Variants in SYNE1 observed in about 807,000 individuals in gnomAD.
SYNE1 encodes the protein nesprin-1.
SYNE1 carries 616 observed loss-of-function variants against 1,111.0 expected under a neutral mutation model. That is an observed-to-expected ratio of 0.55 (90% confidence interval 0.52 to 0.59). The LOEUF is 0.59. SYNE1 is among the 20% of genes least tolerant of loss of function. The pLI, the probability that SYNE1 is intolerant of heterozygous loss-of-function variation, is 0.00. For missense variants in SYNE1, 10,006 were observed against 10,417.0 expected, an observed-to-expected ratio of 0.96 and a Z score of 1.72; for synonymous variants, 3,855 against 3,825.8, an observed-to-expected ratio of 1.01 and a Z score of -0.28.
intron 137 of SYNE1, chr6:152,145,262 C>A (rs1372209393): frequency 6.8e-6 from 4 of 587,136 alleles, no homozygotes; most frequent in Middle Eastern, 9.2e-4. Context: ...TGAGACCAAT[C>A]ACCATTTAAC....
Position 152,624,742 on chromosome 6 carries a change from T to C in SYNE1, c.67+3523A>G, listed in dbSNP as rs143245351. ...TTCAGTATCCCAGCCTAAAACATTA[T>C]GCTCAAACAAGCACAAATATTGGCA... is the stretch of plus-strand genomic sequence containing the variant. On this transcript the variant is annotated intron_variant, in intron 3 of 145. Transcript: ENST00000367255. Among the ~76,000 whole-genome samples, 592 of 152,322 alleles carry C rather than the reference T, an allele frequency of 3.9e-3. 2 individuals carry two copies. The highest frequency in any genetic ancestry group is 0.013 in the African/African-American group (557 of 41,576).
chr6:152,148,482 CAAAT>C lies in SYNE1; in HGVS notation c.24643-108_24643-105del. On this transcript the variant is annotated intron_variant, in intron 136 of 145. Transcript: ENST00000367255. This position sits in a 1 kb window ranked among gnomAD's most constrained non-coding sequence, Gnocchi z 4.1. ...GGGACAATTTTTAACTTCTTATGAG[CAAAT>C]AAATAAGAATCTTCTGATCACAGAA... is the stretch of plus-strand genomic sequence containing the variant. 1 of 961,310 alleles carries C rather than the reference CAAAT, an allele frequency of 1.0e-6. No homozygotes were observed. Among genetic ancestry groups the C allele is most frequent in the Admixed American group, 2.0e-5 (1 of 49,452 alleles). The allele number at this position is 961,310 out of a possible 1,614,324, so 59.5% of individuals were successfully genotyped here.
intron 130 of SYNE1, among the ~76,000 whole-genome samples, chr6:152,169,355 G>T (rs1163961707): frequency 6.6e-6 from 1 of 151,840 alleles, no homozygotes; most frequent in African/African-American, 2.4e-5. Flanking sequence ...AAGGTCAGGA[G>T]ATCAAGACCA....
chr6:152,251,713 C>G (rs1449596123), intron 104 of SYNE1, among the ~76,000 whole-genome samples: 1 of 152,004 alleles, frequency 6.6e-6, no homozygotes. Flanking sequence ...GAGCCGAGAT[C>G]CCGCCACTGC....
intron 101 of SYNE1, among the ~76,000 whole-genome samples, chr6:152,257,863 T>A (rs1181860929): frequency 6.6e-6 from 1 of 152,006 alleles, no homozygotes. Context: ...TGCCAAAAAA[T>A]TCCCTAAAAT....
intron 3 of SYNE1, among the ~76,000 whole-genome samples, chr6:152,592,785 A>T (rs2099570726): frequency 6.6e-6 from 1 of 152,194 alleles, no homozygotes; most frequent in Non-Finnish European, 1.5e-5. Flanking sequence ...GAGGGCAGAG[A>T]ATTTATTAGT....
chr6:152,256,324 G>A (rs1355285670), intron 102 of SYNE1, among the ~76,000 whole-genome samples: 1 of 151,880 alleles, frequency 6.6e-6, no homozygotes, highest in Non-Finnish European at 1.5e-5. Flanking sequence ...CAGCTATTCG[G>A]GAGGGTGAGA....
chr6:152,576,335 A>G (rs145095621), intron 3 of SYNE1, among the ~76,000 whole-genome samples: 59 of 152,334 alleles, frequency 3.9e-4, no homozygotes, highest in African/African-American at 1.4e-3. Context: ...TTTGAGTCCT[A>G]CTATGCAGTT....
chr6:152,437,532 T>C (rs1013475660), intron 32 of SYNE1, among the ~76,000 whole-genome samples: 1 of 152,164 alleles, frequency 6.6e-6, no homozygotes. Flanking sequence ...AATATACTTA[T>C]TTTAAATATT....
intron 66 of SYNE1, 138 bp downstream of exon 66, chr6:152,358,235 C>G (rs1209085543): frequency 1.7e-6 from 2 of 1,210,922 alleles, no homozygotes; most frequent in Non-Finnish European, 2.4e-6. Context: ...TGTTCTTGAT[C>G]AAACCTTATG....
At chr6:152,263,790 T>C (rs964028148) in intron 100 of SYNE1, among the ~76,000 whole-genome samples, 1 of 151,874 alleles carries the variant, frequency 6.6e-6, no homozygotes, top group African/African-American at 2.4e-5. Context: ...CACTTCTCTG[T>C]GCCTCAATCT....
chr6:152,353,277 A>G lies in SYNE1; in HGVS notation c.11239T>C (p.Leu3747=), dbSNP rs747018872. The G allele has an allele frequency of 2.5e-6, 4 of 1,614,038 alleles. No homozygotes were observed. Among genetic ancestry groups the G allele is most frequent in the East Asian group, 4.5e-5 (2 of 44,884 alleles). ...KVDTVMMGKK[L]KTLEVLLKDM... ...TGCGTGCCTACCTCCAACGTCTTCA[A>G]TTTCTTCCCCATCATTACTGTATCT... Residue 3747 remains leucine (L), a synonymous_variant, in exon 69 of 146, where the codon TTG becomes CTG. Coordinates refer to ENST00000367255, the MANE Select transcript of SYNE1 (RefSeq NM_182961.4).
chr6:152,594,373 T>A (rs1019168542), intron 3 of SYNE1, among the ~76,000 whole-genome samples: 3 of 152,106 alleles, frequency 2.0e-5, no homozygotes, highest in African/African-American at 7.2e-5. Flanking sequence ...GACACATGAA[T>A]GAAGTTACAA....
chr6:152,308,241 T>C (rs1300161771), intron 91 of SYNE1, among the ~76,000 whole-genome samples: 1 of 152,082 alleles, frequency 6.6e-6, no homozygotes, highest in East Asian at 1.9e-4. Flanking sequence ...GAGATGATAA[T>C]CAGTGGGTCC....
At chr6:152,553,375 G>A (rs947587900) in intron 3 of SYNE1, among the ~76,000 whole-genome samples, 1 of 152,096 alleles carries the variant, frequency 6.6e-6, no homozygotes, top group Admixed American at 6.5e-5. Flanking sequence ...TGAGGAAACC[G>A]TGTCAGAAAT....
intron 3 of SYNE1, among the ~76,000 whole-genome samples, chr6:152,616,380 C>T (rs892918115): frequency 5.9e-5 from 9 of 152,020 alleles, no homozygotes; most frequent in African/African-American, 1.9e-4. Flanking sequence ...CAAGGCCACC[C>T]TACACAGCAT....
intron 93 of SYNE1, among the ~76,000 whole-genome samples, chr6:152,294,937 A>G (rs1394164280): frequency 6.6e-6 from 1 of 152,228 alleles, no homozygotes; most frequent in Non-Finnish European, 1.5e-5. Context: ...AATTGCTATT[A>G]TAAAGTTCAT....
intron 56 of SYNE1, 143 bp from the exon 57 acceptor site, chr6:152,377,055 G>GAAAACAGGCTTCA: frequency 1.8e-6 from 2 of 1,128,694 alleles, no homozygotes; most frequent in Non-Finnish European, 2.5e-6. Flanking sequence ...AATGAAGCCT[G>GAAAACAGGCTTCA]TTTTCAGGAT....
rs750193363 is a variant in SYNE1, at chr6:152,526,129, T to A, written c.176A>T (p.Asp59Val). 1 of 1,614,002 alleles carries A rather than the reference T, an allele frequency of 6.2e-7. No homozygotes were observed. Among genetic ancestry groups the A allele is most frequent in the Non-Finnish European group, 8.5e-7 (1 of 1,179,994 alleles). ...VVDDLFEDMK[D>V]GVKLLALLEV... ...CAGAAGGGCAAGCAGTTTAACACCA[T>A]CTTTCATGTCTTCAAAAAGATCGTC... The change falls in exon 5 of 146, where the codon GAT becomes GTT. Residue 59 changes from aspartate (D) to valine (V), a missense_variant. Asp to Val is a radical substitution (Grantham distance 152). Coordinates refer to ENST00000367255, the MANE Select transcript of SYNE1 (RefSeq NM_182961.4).
Sources: gnomAD v4.1 joint callset for allele counts (sites outside exome capture counted in the v4.1 genomes callset) on GRCh38, gnomAD v4.1.1 for gene constraint, Gnocchi (gnomAD v3.1) non-coding constraint, MANE v1.5 for transcripts, NCBI Gene and HGNC (gene_info 2026-07-23, HGNC 2026-07-21) for gene names.